The following RICTOR variants were observed in gnomAD, a reference collection of about 807,000 sequenced individuals.
RICTOR encodes rapamycin-insensitive companion of mTOR.
In RICTOR, 49 loss-of-function variants were observed where a neutral mutation model predicts 214.9. That is an observed-to-expected ratio of 0.23 (90% CI 0.18 to 0.29). RICTOR has a LOEUF of 0.29. RICTOR is among the 10% of genes least tolerant of loss of function. RICTOR has a pLI of 1.00. For synonymous variants in RICTOR, 717 were observed against 711.3 expected, an observed-to-expected ratio of 1.01 and a Z score of -0.13; for missense variants, 1,625 against 2,047.0, an observed-to-expected ratio of 0.79 and a Z score of 3.98.
Position 38,973,575 on chromosome 5 carries a change from C to T in RICTOR, c.890-1616G>A, listed in dbSNP as rs569866713. The stretch of plus-strand genomic sequence containing the variant: ...TTCTTTAAAATGTCTTATAGGACTC[C>T]AAAGTTCCCTGTACTTCCAGCTAAG... On this transcript the variant is annotated intron_variant, in intron 10 of 37. Coordinates refer to ENST00000357387, the MANE Select transcript of RICTOR (RefSeq NM_152756.5). 1.6e-4 allele frequency among the ~76,000 whole-genome samples: 25 copies of T among 152,236 alleles called. No homozygotes were observed. The Middle Eastern group carries it at 0.01, about 62-fold the overall frequency.
chr5:39,056,844 A>G (rs1463468615), intron 2 of RICTOR, among the ~76,000 whole-genome samples: 2 of 152,156 alleles, frequency 1.3e-5, no homozygotes, highest in Middle Eastern at 3.2e-3. Context: ...GTCAAAGAAA[A>G]TATGATTAGG....
intron 2 of RICTOR, among the ~76,000 whole-genome samples, chr5:39,033,054 G>A (rs937935864): frequency 2.0e-5 from 3 of 152,176 alleles, no homozygotes; most frequent in South Asian, 2.1e-4. Flanking sequence ...TACAGTTGGT[G>A]TACCACTGTA....
chr5:38,940,478 A>G lies in RICTOR; in HGVS notation c.*1826T>C, dbSNP rs1044207917. 4.3e-6 allele frequency: 1 copy of G among 232,778 alleles called. No individual in the cohort carries two copies. Among genetic ancestry groups the G allele is most frequent in the African/African-American group, 2.2e-5 (1 of 45,322 alleles). 14.4% of individuals were successfully genotyped at this position (232,778 alleles called of 1,614,324 possible). A position where few individuals can be genotyped will look rare whatever the true frequency, so the allele number is the denominator to read the frequency against. Reference sequence around the variant, plus strand: ...GCAGTTTAGTTATCCAAGACCAAAGACCACGATGACAGGCAACGTTCTTAG... The same window carrying G: ...GCAGTTTAGTTATCCAAGACCAAAGGCCACGATGACAGGCAACGTTCTTAG... On this transcript the variant is annotated 3_prime_UTR_variant, in exon 38 of 38. Coordinates refer to ENST00000357387, the MANE Select transcript of RICTOR (RefSeq NM_152756.5).
intron 2 of RICTOR, among the ~76,000 whole-genome samples, chr5:39,035,963 G>A (rs1318743454): frequency 6.6e-6 from 1 of 150,652 alleles, no homozygotes; most frequent in African/African-American, 2.5e-5. Flanking sequence ...GAAACACACA[G>A]AACGCCACAA....
chr5:39,022,623 G>A (rs967134735), intron 2 of RICTOR: 1 of 152,764 alleles, frequency 6.5e-6, no homozygotes, highest in Non-Finnish European at 1.5e-5. Flanking sequence ...GTAGCTGGGG[G>A]ACAGATGGAG....
chr5:39,004,680 G>C (rs1200856526), intron 3 of RICTOR, among the ~76,000 whole-genome samples: 1 of 148,622 alleles, frequency 6.7e-6, no homozygotes, highest in African/African-American at 2.5e-5. Flanking sequence ...GGCTGGTCTC[G>C]AACTCCTGAC....
intron 9 of RICTOR, among the ~76,000 whole-genome samples, chr5:38,978,176 CTCATT>C (rs1237266306): frequency 2.6e-5 from 4 of 152,068 alleles, no homozygotes; most frequent in Non-Finnish European, 5.9e-5. Context: ...TTACTCTATT[CTCATT>C]TATTTCTGTA....
At chr5:39,036,414 A>G (rs1409577703) in intron 2 of RICTOR, among the ~76,000 whole-genome samples, 1 of 152,234 alleles carries the variant, frequency 6.6e-6, no homozygotes, top group Non-Finnish European at 1.5e-5. Context: ...TCAACTAATG[A>G]GCAAAATAAC....
rs200663708 is a variant in RICTOR, at chr5:39,008,204, C to A, written c.196-4582G>T. Among the ~76,000 whole-genome samples, 5 of 151,822 alleles carry A rather than the reference C, an allele frequency of 3.3e-5. No homozygotes were observed. In the East Asian group the frequency reaches 9.6e-4, roughly 29 times the overall value. On this transcript the variant is annotated intron_variant, in intron 3 of 37. Coordinates refer to ENST00000357387, the MANE Select transcript of RICTOR (RefSeq NM_152756.5). The stretch of plus-strand genomic sequence containing the variant: ...CACTTTAAAAAAAAAGGATATACAT[C>A]AAAATTTTAACACCAAAAATTTTTT...
intron 3 of RICTOR, among the ~76,000 whole-genome samples, chr5:39,012,388 T>A (rs1754596192): frequency 6.6e-6 from 1 of 152,088 alleles, no homozygotes; most frequent in Admixed American, 6.5e-5. Context: ...GAACTGTGAG[T>A]CAATTAAACA....
Position 38,952,275 on chromosome 5 carries a change from T to C in RICTOR, c.3048A>G (p.Ser1016=). The C allele has an allele frequency of 6.2e-7, 1 of 1,613,092 alleles. No individual in the cohort carries two copies. ...TCAAACTTAGAGTGCTTGGGATAGA[T>C]GAAAGTTCATTACAGAGTTGTTCCA... The part of the protein sequence containing the change: ...DDVEQLCNEL[S]SIPSTLSLNS... The change falls in exon 30 of 38, where the codon TCA becomes TCG. Residue 1016 remains serine, a synonymous_variant. Transcript: ENST00000357387.
chr5:39,029,745 G>C (rs963948865), intron 2 of RICTOR, among the ~76,000 whole-genome samples: 1 of 152,128 alleles, frequency 6.6e-6, no homozygotes, highest in Non-Finnish European at 1.5e-5. Context: ...TACGTAAAGT[G>C]GAAATATTTG....
chr5:39,054,930 C>T (rs1055862198), intron 2 of RICTOR, among the ~76,000 whole-genome samples: 1 of 152,140 alleles, frequency 6.6e-6, no homozygotes, highest in Non-Finnish European at 1.5e-5. Flanking sequence ...TTTGGTTTTG[C>T]TATCTCGTCT....
chr5:38,975,587 C>T lies in RICTOR; in HGVS notation c.839G>A (p.Arg280Gln), dbSNP rs551282093. Residue 280 changes from arginine (R) to glutamine (Q), a missense_variant, in exon 10 of 38, where the codon CGA (arginine) becomes CAA (glutamine). Around this residue, in one of 5 missense-constraint regions of RICTOR, gnomAD observed 258 missense variants for 393.7 expected, o/e 0.66. Coordinates refer to ENST00000357387, the MANE Select transcript of RICTOR (RefSeq NM_152756.5). ...EGQLKEDREARFLASKMGIIA... is the reference protein window; with the variant it reads ...EGQLKEDREAQFLASKMGIIA... Reference sequence around the variant, plus strand: ...GATTCCCATTTTACTGGCTAGAAATCGTGCTTCTCTGTCTTCTCTGTTGGG... The same window carrying T: ...GATTCCCATTTTACTGGCTAGAAATTGTGCTTCTCTGTCTTCTCTGTTGGG... 31 of 1,613,708 alleles carry T rather than the reference C, an allele frequency of 1.9e-5. No homozygotes were observed. Among genetic ancestry groups the T allele is most frequent in the South Asian group, 4.4e-5 (4 of 91,064 alleles).
At chr5:38,993,964 C>CG (rs1292348017) in intron 6 of RICTOR, among the ~76,000 whole-genome samples, 1 of 152,114 alleles carries the variant, frequency 6.6e-6, no homozygotes, top group Non-Finnish European at 1.5e-5. Flanking sequence ...GGGCAGATCA[C>CG]GAACTCAGGA....
At chr5:39,040,704 T>A (rs1281682315) in intron 2 of RICTOR, among the ~76,000 whole-genome samples, 1 of 152,044 alleles carries the variant, frequency 6.6e-6, no homozygotes, top group African/African-American at 2.4e-5. Context: ...ATATAATTTT[T>A]AAAAATAAAT....
chr5:38,960,239 C>A (rs1293600181), intron 20 of RICTOR, among the ~76,000 whole-genome samples, 159 bp downstream of exon 20: 1 of 151,958 alleles, frequency 6.6e-6, no homozygotes, highest in African/African-American at 2.4e-5. Context: ...GTGACTAAGT[C>A]GGGATTCAAC....
At chr5:38,983,804 T>C (rs1380290723) in intron 7 of RICTOR, among the ~76,000 whole-genome samples, 1 of 151,076 alleles carries the variant, frequency 6.6e-6, no homozygotes, top group Non-Finnish European at 1.5e-5. Context: ...CTACTGAAAA[T>C]ACAAAAAAAA....
intron 2 of RICTOR, among the ~76,000 whole-genome samples, chr5:39,024,771 A>G (rs1755685393): frequency 6.6e-6 from 1 of 152,252 alleles, no homozygotes; most frequent in Non-Finnish European, 1.5e-5. Flanking sequence ...GATTCCTTAC[A>G]AAGGTTTGCA....
Sources: allele counts gnomAD v4.1 joint callset (sites outside exome capture counted in the v4.1 genomes callset), GRCh38; gene constraint gnomAD v4.1.1; regional missense constraint gnomAD v4.1.1; transcripts MANE v1.5; gene names NCBI Gene and HGNC (gene_info 2026-07-23, HGNC 2026-07-21).